NCLN: variants seen among roughly 807,000 people sequenced by gnomAD.
The protein encoded by NCLN is nicalin.
A neutral mutation model predicts 69.5 loss-of-function variants in NCLN; 34 were observed. The observed-to-expected ratio is 0.49, with a 90% CI of 0.37 to 0.65. The LOEUF is 0.65. Ranked by LOEUF, NCLN falls within the 30% of genes least tolerant of loss-of-function variation. NCLN has a pLI of 0.00. For missense variants in NCLN, 710 were observed against 804.8 expected (o/e 0.88, Z 1.42); for synonymous variants, 393 against 358.3 (o/e 1.10, Z -1.09).
At chr19:3,193,846 C>T (rs367888216) in intron 3 of NCLN, among the ~76,000 whole-genome samples, 5 of 152,372 alleles carry the variant, frequency 3.3e-5, no homozygotes, top group East Asian at 3.9e-4. Flanking sequence ...AAGGGGCACA[C>T]GCCTTTCCTC....
chr19:3,193,467 G>A (rs753979069), intron 3 of NCLN, 39 bp downstream of exon 3: 2 of 1,549,384 alleles, frequency 1.3e-6, no homozygotes, highest in Non-Finnish European at 1.7e-6. Context: ...CGTGGGCGTG[G>A]GTGTGGGGAG....
chr19:3,200,434 C>T (rs1195807429), intron 5 of NCLN, among the ~76,000 whole-genome samples: 8 of 151,738 alleles, frequency 5.3e-5, no homozygotes, highest in Admixed American at 2.6e-4. Context: ...CCTCAACCTC[C>T]GGAGTAGCTG....
rs536584942 is a variant in NCLN, at chr19:3,202,496, T to A, written c.800+870T>A. On this transcript the variant is annotated intron_variant, in intron 6 of 14. Coordinates refer to ENST00000246117, the MANE Select transcript of NCLN (RefSeq NM_020170.4). ...CTGTGCGGGGTGGGGTAGAATCACC[T>A]CCGGGTGAGACCCCGGCCCAGTCAC... 3.3e-3 allele frequency among the ~76,000 whole-genome samples: 507 copies of A among 152,280 alleles called. 5 individuals carry two copies. The highest frequency in any genetic ancestry group is 0.012 in the African/African-American group (483 of 41,560).
intron 1 of NCLN, among the ~76,000 whole-genome samples, chr19:3,187,937 C>T (rs1362171799): frequency 6.6e-6 from 1 of 152,166 alleles, no homozygotes; most frequent in African/African-American, 2.4e-5. Context: ...TCTTTGCTGC[C>T]TGGCACAGGA....
Position 3,205,790 on chromosome 19 carries a change from C to T in NCLN, c.1209-149C>T. 1.3e-6 allele frequency: 1 copy of T among 744,642 alleles called. No homozygotes were observed. Among genetic ancestry groups the T allele is most frequent in the Admixed American group, 2.6e-5 (1 of 39,002 alleles). 46.1% of individuals were successfully genotyped at this position (744,642 alleles called of 1,614,324 possible). The stretch of plus-strand genomic sequence containing the variant: ...AGTGAATCTGCATCTACATGTTAGC[C>T]AAGTAGTTAAAGCTAAGCTTAATTT... On this transcript the variant is annotated intron_variant, in intron 9 of 14. Transcript: ENST00000246117. The surrounding 1 kb of genome is among the most constrained non-coding windows in gnomAD (Gnocchi z 4.6).
At position 3,207,322 on chromosome 19, in the gene NCLN, C is replaced by T. The variant is rs368220614; in HGVS notation, c.1554-69C>T. On this transcript the variant is annotated intron_variant, in intron 13 of 14. Transcript: ENST00000246117. ...TTACAGCCGAGGGGACTGCGGCCCA[C>T]GGGGGTCTAGGGGTTCATGTTACTG... 3.7e-5 allele frequency: 59 copies of T among 1,612,280 alleles called. No individual in the cohort carries two copies. The Middle Eastern group carries it at 4.9e-4, about 14-fold the overall frequency.
Position 3,203,872 on chromosome 19 carries a change from T to C in NCLN, c.889+28T>C, listed in dbSNP as rs370215950. On this transcript the variant is annotated intron_variant, in intron 7 of 14. Transcript: ENST00000246117. ...GAGCGGCCCCGGGTGGGGGTGGGGG[T>C]GCCGCGGTGGTGGTGCCGTGGGGAG... 86 of 1,604,548 alleles carry C rather than the reference T, an allele frequency of 5.4e-5. No homozygotes were observed. In the African/African-American group the frequency reaches 9.6e-4, roughly 18 times the overall value.
rs780286613 is a variant in NCLN at position 3,207,192 on chromosome 19, C to T, written c.1500-6C>T. ...GGTGCCCCCTGAGAAAGTGCTCTCT[C>T]CCCAGGGACCCAGAGTTTGTCTTCT... On this transcript the variant is annotated splice_region_variant and splice_polypyrimidine_tract_variant and intron_variant, in intron 12 of 14. Transcript: ENST00000246117. 1 of 1,613,600 alleles carries T rather than the reference C, an allele frequency of 6.2e-7. No individual in the cohort carries two copies. The highest frequency in any genetic ancestry group is 8.5e-7 in the Non-Finnish European group (1 of 1,180,000).
rs889136088 is a variant in NCLN at position 3,209,141 on chromosome 19, C to G, written c.*1453C>G. 1 of 152,256 alleles carries G rather than the reference C, an allele frequency of 6.6e-6. No homozygotes were observed. The highest frequency in any genetic ancestry group is 1.5e-5 in the Non-Finnish European group (1 of 68,062). The allele number at this position is 152,256 out of a possible 1,614,324, so 9.4% of individuals were successfully genotyped here. On this transcript the variant is annotated 3_prime_UTR_variant, in exon 15 of 15. Coordinates refer to ENST00000246117, the MANE Select transcript of NCLN (RefSeq NM_020170.4). ...TTCTGTCCAGATAGGACCAGGGGGT[C>G]TCACTTTGGCCACCAGTTCTTCGGC...
At chr19:3,202,724 G>A (rs1226675702) in intron 6 of NCLN, among the ~76,000 whole-genome samples, 1 of 151,820 alleles carries the variant, frequency 6.6e-6, no homozygotes, top group Non-Finnish European at 1.5e-5. Context: ...GATTACAGGT[G>A]TGAGCCACCA....
chr19:3,196,873 G>T (rs1003808597), intron 4 of NCLN, among the ~76,000 whole-genome samples: 1 of 152,248 alleles, frequency 6.6e-6, no homozygotes, highest in Non-Finnish European at 1.5e-5. Context: ...GCGGGACGGC[G>T]CCGGTGAGGG....
rs1331999013 is a variant in NCLN at position 3,192,648 on chromosome 19, G to A, written c.363G>A (p.Gln121=). 9.6e-6 allele frequency: 15 copies of A among 1,561,846 alleles called. No individual in the cohort carries two copies. The highest frequency in any genetic ancestry group is 1.9e-5 in the Admixed American group (1 of 52,558). ...ILPRAMAAVP[Q]DVVRQFMEIE... is the part of the protein sequence containing the mutation. Reference sequence around the variant, plus strand: ...CCAGGGCCATGGCCGCCGTGCCCCAGGACGTCGTCCGGGTGAGCGTCTGCC... The same window carrying A: ...CCAGGGCCATGGCCGCCGTGCCCCAAGACGTCGTCCGGGTGAGCGTCTGCC... The change falls in exon 2 of 15, where the codon CAG becomes CAA. Residue 121 remains glutamine (Q), a synonymous_variant. Coordinates refer to ENST00000246117, the MANE Select transcript of NCLN (RefSeq NM_020170.4).
intron 5 of NCLN, among the ~76,000 whole-genome samples, chr19:3,200,232 A>G (rs1258367483): frequency 1.3e-5 from 2 of 151,990 alleles, no homozygotes; most frequent in Non-Finnish European, 2.9e-5. Context: ...TACAGGCATG[A>G]GCCACCGCGC....
intron 8 of NCLN, among the ~76,000 whole-genome samples, 198 bp downstream of exon 8, chr19:3,204,342 C>T (rs1003069205): frequency 1.3e-5 from 2 of 151,744 alleles, no homozygotes; most frequent in African/African-American, 2.4e-5. Flanking sequence ...GGGCACACTG[C>T]GTCAGGGCCG....
At position 3,190,964 on chromosome 19, in the gene NCLN, C is replaced by T. The variant is rs11670321; in HGVS notation, c.185-1506C>T. Among the ~76,000 whole-genome samples the T allele has an allele frequency of 6.7e-3, 1,023 of 152,222 alleles. 6 individuals are homozygous for T. The highest frequency in any genetic ancestry group is 0.011 in the Non-Finnish European group (723 of 68,022). On this transcript the variant is annotated intron_variant, in intron 1 of 14. Coordinates refer to ENST00000246117, the MANE Select transcript of NCLN (RefSeq NM_020170.4). ...GGTGGCCCTTTTAGAGGGGCCGGTGCTCTCCAGGGTCTTTCCAGGGCAACT... is the reference window on the plus strand; with the variant it reads ...GGTGGCCCTTTTAGAGGGGCCGGTGTTCTCCAGGGTCTTTCCAGGGCAACT...
chr19:3,206,693 G>A (rs1180898780), intron 12 of NCLN, among the ~76,000 whole-genome samples: 2 of 152,196 alleles, frequency 1.3e-5, no homozygotes, highest in African/African-American at 2.4e-5. Context: ...AAAATTAGGC[G>A]GATGTGGCAG....
chr19:3,196,177 C>T lies in NCLN; in HGVS notation c.521-6C>T, dbSNP rs755772538. On this transcript the variant is annotated splice_polypyrimidine_tract_variant and splice_region_variant and intron_variant, in intron 3 of 14. Coordinates refer to ENST00000246117, the MANE Select transcript of NCLN (RefSeq NM_020170.4). Reference sequence around the variant, plus strand: ...CAAGGCTGATGCGCCCTCTCCCTCTCCCTAGTACTGCTGCGCACGGCCACT... The same window carrying T: ...CAAGGCTGATGCGCCCTCTCCCTCTTCCTAGTACTGCTGCGCACGGCCACT... 5.9e-5 allele frequency: 92 copies of T among 1,547,784 alleles called. No individual in the cohort carries two copies. The highest frequency in any genetic ancestry group is 7.7e-5 in the Non-Finnish European group (88 of 1,144,338).
intron 3 of NCLN, among the ~76,000 whole-genome samples, chr19:3,195,471 G>A (rs1419903807): frequency 2.0e-5 from 3 of 151,984 alleles, no homozygotes; most frequent in Admixed American, 6.6e-5. Flanking sequence ...GGAGGGTCTC[G>A]ATCTCCTGAC....
intron 1 of NCLN, among the ~76,000 whole-genome samples, chr19:3,189,687 C>T (rs528808270): frequency 4.9e-4 from 74 of 152,358 alleles, no homozygotes; most frequent in Non-Finnish European, 8.2e-4. Context: ...GTTTCGCCTC[C>T]GCAGAGGGCC....
Sources: allele counts gnomAD v4.1 joint callset (sites outside exome capture counted in the v4.1 genomes callset), GRCh38; gene constraint gnomAD v4.1.1; non-coding constraint Gnocchi (gnomAD v3.1); transcripts MANE v1.5; gene names NCBI Gene and HGNC (gene_info 2026-07-23, HGNC 2026-07-21).